GMDS: variants seen among roughly 807,000 people sequenced by gnomAD.
GMDS encodes the protein GDP-mannose 4,6-dehydratase.
A neutral mutation model predicts 49.9 loss-of-function variants in GMDS; 20 were observed. The observed-to-expected ratio is 0.40, with a 90% confidence interval of 0.28 to 0.58. The LOEUF (loss-of-function observed/expected upper bound fraction) is 0.58. GMDS is among the 20% of genes least tolerant of loss of function. The pLI, the probability that GMDS is intolerant of heterozygous loss-of-function variation, is 0.42. For missense variants in GMDS, 362 were observed against 481.4 expected (o/e 0.75, Z 2.32); for synonymous variants, 177 against 178.6 (o/e 0.99, Z 0.07).
At chr6:2,211,230 T>C (rs1193025756) in intron 1 of GMDS, among the ~76,000 whole-genome samples, 1 of 152,168 alleles carries the variant, frequency 6.6e-6, no homozygotes, top group Non-Finnish European at 1.5e-5. Context: ...GCCACCACAC[T>C]AGAAGAGTAA....
chr6:1,703,766 T>C (rs1251039465), intron 9 of GMDS, among the ~76,000 whole-genome samples: 1 of 152,246 alleles, frequency 6.6e-6, no homozygotes, highest in Non-Finnish European at 1.5e-5. Context: ...GGCACAGGCT[T>C]GGTTCGCACT....
rs116741797 is a variant in GMDS, at chr6:1,831,782, C to G, written c.772-89196G>C. Among the ~76,000 whole-genome samples the G allele has an allele frequency of 4.4e-3, 674 of 152,200 alleles. 1 individual carries two copies. The highest frequency in any genetic ancestry group is 0.015 in the African/African-American group (639 of 41,536). On this transcript the variant is annotated intron_variant, in intron 7 of 10. Transcript: ENST00000380815. ...CTAGCATATTGAAAAATTAGATGTT[C>G]AATCCCTGGTAGCCTAGTTCCAGCC...
chr6:1,677,726 CAT>C (rs1239389075), intron 9 of GMDS, among the ~76,000 whole-genome samples: 1 of 144,652 alleles, frequency 6.9e-6, no homozygotes, highest in Admixed American at 7.4e-5. Context: ...TGTTCTCACT[CAT>C]AGGTGGGAAT....
At chr6:2,082,074 C>T (rs1772739155) in intron 4 of GMDS, among the ~76,000 whole-genome samples, 1 of 152,176 alleles carries the variant, frequency 6.6e-6, no homozygotes, top group Admixed American at 6.5e-5. Flanking sequence ...ACGTTCATCC[C>T]AGCTATACAA....
intron 7 of GMDS, among the ~76,000 whole-genome samples, chr6:1,917,925 T>C (rs947835887): frequency 6.6e-6 from 1 of 152,174 alleles, no homozygotes; most frequent in African/African-American, 2.4e-5. Context: ...AGGGAGGAAA[T>C]GAAATCACAC....
intron 9 of GMDS, among the ~76,000 whole-genome samples, chr6:1,659,494 G>A (rs1235463676): frequency 1.3e-5 from 2 of 152,062 alleles, no homozygotes; most frequent in African/African-American, 4.8e-5. Context: ...GTGTGATAGG[G>A]TGTTGTACCA....
At chr6:1,915,236 G>T (rs1761315959) in intron 7 of GMDS, among the ~76,000 whole-genome samples, 1 of 152,248 alleles carries the variant, frequency 6.6e-6, no homozygotes, top group South Asian at 2.1e-4. Flanking sequence ...AAGACGCTGT[G>T]AGAGATGCTA....
chr6:1,923,718 T>C (rs1243186640), intron 7 of GMDS, among the ~76,000 whole-genome samples: 1 of 152,058 alleles, frequency 6.6e-6, no homozygotes, highest in Non-Finnish European at 1.5e-5. Context: ...AGTGAAAGGG[T>C]CGTGAAAAAT....
intron 7 of GMDS, among the ~76,000 whole-genome samples, chr6:1,806,921 G>A (rs554042614): frequency 6.6e-6 from 1 of 152,260 alleles, no homozygotes; most frequent in East Asian, 1.9e-4. Context: ...TGTGAATTAT[G>A]GATAGATTCT....
chr6:1,866,214 T>C (rs1758434828), intron 7 of GMDS, among the ~76,000 whole-genome samples: 1 of 152,210 alleles, frequency 6.6e-6, no homozygotes, highest in South Asian at 2.1e-4. Context: ...GTTTATATAG[T>C]AATTAAAGAT....
At chr6:2,087,636 G>A (rs1773086889) in intron 4 of GMDS, among the ~76,000 whole-genome samples, 1 of 152,204 alleles carries the variant, frequency 6.6e-6, no homozygotes, top group South Asian at 2.1e-4. Context: ...CTCAATGACT[G>A]CTGTGGTAAG....
chr6:2,202,198 T>C (rs529160526), intron 1 of GMDS, among the ~76,000 whole-genome samples: 54 of 145,758 alleles, frequency 3.7e-4, no homozygotes, highest in Non-Finnish European at 5.4e-4. Flanking sequence ...TGTAACCATC[T>C]AGGCAGTGAG....
intron 7 of GMDS, among the ~76,000 whole-genome samples, chr6:1,754,924 G>A (rs1319120857): frequency 2.0e-5 from 3 of 152,128 alleles, no homozygotes. Flanking sequence ...CAAACCCACA[G>A]CCAATATCAT....
chr6:2,229,081 G>A lies in GMDS; in HGVS notation c.102+16240C>T, dbSNP rs373493768. On this transcript the variant is annotated intron_variant, in intron 1 of 10. Coordinates refer to ENST00000380815, the MANE Select transcript of GMDS (RefSeq NM_001500.4). Reference sequence around the variant, plus strand: ...TCCCGTGGCTCCACTTTTCCCCAGGGCTTCACTGCAGATGGGGTGAGAGAG... The same window carrying A: ...TCCCGTGGCTCCACTTTTCCCCAGGACTTCACTGCAGATGGGGTGAGAGAG... Among the ~76,000 whole-genome samples, 6 of 152,294 alleles carry A rather than the reference G, an allele frequency of 3.9e-5. No homozygotes were observed. The East Asian group carries it at 7.7e-4, about 20-fold the overall frequency.
chr6:2,037,415 T>C (rs1581553844), intron 4 of GMDS, among the ~76,000 whole-genome samples: 1 of 152,322 alleles, frequency 6.6e-6, no homozygotes, highest in Admixed American at 6.5e-5. Context: ...ACTAGTCAGC[T>C]GTGCATGGGG....
chr6:1,825,615 CA>C (rs1166264985), intron 7 of GMDS, among the ~76,000 whole-genome samples: 1 of 152,192 alleles, frequency 6.6e-6, no homozygotes, highest in Non-Finnish European at 1.5e-5. Flanking sequence ...TCCTATACTA[CA>C]AATCTGTATA....
chr6:1,811,054 A>G (rs1302041593), intron 7 of GMDS, among the ~76,000 whole-genome samples: 1 of 152,148 alleles, frequency 6.6e-6, no homozygotes, highest in African/African-American at 2.4e-5. Flanking sequence ...GATTCTGACA[A>G]CATGAAACAG....
chr6:2,066,684 TA>T (rs1771617183), intron 4 of GMDS, among the ~76,000 whole-genome samples: 1 of 151,982 alleles, frequency 6.6e-6, no homozygotes, highest in African/African-American at 2.4e-5. Context: ...TACTTAATGG[TA>T]AAGGGATCAA....
At chr6:1,995,373 G>A (rs1338750819) in intron 4 of GMDS, among the ~76,000 whole-genome samples, 2 of 152,096 alleles carry the variant, frequency 1.3e-5, no homozygotes, top group East Asian at 1.9e-4. Context: ...ACCAGTGCAC[G>A]GGCTCTACCA....
Sources: gnomAD v4.1 joint callset for allele counts (sites outside exome capture counted in the v4.1 genomes callset) on GRCh38, gnomAD v4.1.1 for gene constraint, MANE v1.5 for transcripts, NCBI Gene and HGNC (gene_info 2026-07-23, HGNC 2026-07-21) for gene names.